Variants in MYO10 observed in about 807,000 individuals in gnomAD.
MYO10 encodes myosin X, also known as unconventional myosin-X.
MYO10 carries 133 observed loss-of-function variants against 257.3 expected under a neutral mutation model. That is an observed-to-expected ratio of 0.52 (90% CI 0.45 to 0.60). The LOEUF (loss-of-function observed/expected upper bound fraction) is 0.60. MYO10 is among the 20% of genes least tolerant of loss of function. The pLI, the probability that MYO10 is intolerant of heterozygous loss-of-function variation, is 0.00. For synonymous variants in MYO10, 1,104 were observed against 1,028.6 expected, an observed-to-expected ratio of 1.07 and a Z score of -1.40; for missense variants, 2,399 against 2,635.7, an observed-to-expected ratio of 0.91 and a Z score of 1.97.
rs114866947 is a variant in MYO10 at position 16,740,125 on chromosome 5, C to T, written c.1929+14703G>A. Among the ~76,000 whole-genome samples, 998 of 152,190 alleles carry T rather than the reference C, an allele frequency of 6.6e-3. 12 individuals are homozygous for T. Among genetic ancestry groups the T allele is most frequent in the African/African-American group, 0.023 (956 of 41,516 alleles). On this transcript the variant is annotated intron_variant, in intron 19 of 40. Coordinates refer to ENST00000513610, the MANE Select transcript of MYO10 (RefSeq NM_012334.3). ...AGTTTCAGACCCTGATCTTGAGAACCGCAGTCCACCCCTAACCTCTGGTCT... is the reference window on the plus strand; with the variant it reads ...AGTTTCAGACCCTGATCTTGAGAACTGCAGTCCACCCCTAACCTCTGGTCT...
chr5:16,891,362 A>C, intron 1 of MYO10, among the ~76,000 whole-genome samples: 1 of 77,684 alleles, frequency 1.3e-5, no homozygotes, highest in East Asian at 2.9e-4. Context: ...GAAGGAAGGA[A>C]GGAAGGAAGG....
At chr5:16,678,702 C>T (rs1736847986) in intron 33 of MYO10, among the ~76,000 whole-genome samples, 1 of 152,176 alleles carries the variant, frequency 6.6e-6, no homozygotes, top group Admixed American at 6.5e-5. Flanking sequence ...AATTATCCAC[C>T]ACTGATGGAT....
intron 19 of MYO10, among the ~76,000 whole-genome samples, chr5:16,747,239 C>T (rs1180398503): frequency 1.3e-5 from 2 of 152,168 alleles, no homozygotes; most frequent in Non-Finnish European, 2.9e-5. Flanking sequence ...AAAGACACCA[C>T]CCCAATACTG....
At chr5:16,780,070 T>G (rs1170640290) in intron 8 of MYO10, among the ~76,000 whole-genome samples, 1 of 151,940 alleles carries the variant, frequency 6.6e-6, no homozygotes, top group Non-Finnish European at 1.5e-5. Context: ...CCTGGCTAAT[T>G]TTTGTGTTTT....
intron 2 of MYO10, among the ~76,000 whole-genome samples, chr5:16,836,996 G>C (rs1483461449): frequency 6.6e-6 from 1 of 152,200 alleles, no homozygotes; most frequent in East Asian, 1.9e-4. Flanking sequence ...ATACCAGGGA[G>C]TATTATTTGG....
chr5:16,761,619 A>G (rs1740716261), intron 16 of MYO10, 73 bp from the exon 17 acceptor site: 1 of 1,057,562 alleles, frequency 9.5e-7, no homozygotes, highest in Non-Finnish European at 1.4e-6. Flanking sequence ...CTTCCCTGAA[A>G]GAGCCACAAA....
intron 19 of MYO10, among the ~76,000 whole-genome samples, chr5:16,729,159 A>C (rs980445860): frequency 7.2e-5 from 11 of 152,176 alleles, no homozygotes; most frequent in African/African-American, 2.7e-4. Context: ...TAAGATATTT[A>C]TTTGTATTGG....
intron 32 of MYO10, among the ~76,000 whole-genome samples, chr5:16,680,999 GAGA>G (rs1366184961): frequency 1.3e-5 from 2 of 152,098 alleles, no homozygotes; most frequent in Admixed American, 6.5e-5. Context: ...TCTCAAAAAT[GAGA>G]AGAATGAAAA....
At chr5:16,823,467 G>GGGGGGGGGGGGTTTTT (rs1561003861) in intron 2 of MYO10, among the ~76,000 whole-genome samples, 2 of 3,976 alleles carry the variant, frequency 5.0e-4, no homozygotes, top group African/African-American at 2.0e-3. Context: ...GGGGAGTGGG[G>GGGGGGGGGGGGTTTTT]ATTTTTTTTT....
chr5:16,837,859 G>C (rs1282015172), intron 2 of MYO10, among the ~76,000 whole-genome samples: 1 of 152,132 alleles, frequency 6.6e-6, no homozygotes, highest in Admixed American at 6.6e-5. Context: ...TTTTACAACA[G>C]CAGGTGCTCA....
intron 29 of MYO10, among the ~76,000 whole-genome samples, chr5:16,685,223 G>GTTGT (rs1320250587): frequency 3.3e-5 from 5 of 152,028 alleles, no homozygotes; most frequent in Non-Finnish European, 5.9e-5. Flanking sequence ...ATTCGTTTTT[G>GTTGT]TTGTTTGTTT....
chr5:16,897,151 A>G (rs1745241649), intron 1 of MYO10, among the ~76,000 whole-genome samples: 1 of 152,190 alleles, frequency 6.6e-6, no homozygotes, highest in African/African-American at 2.4e-5. Flanking sequence ...ATTAATGCTC[A>G]CTGCAATTCA....
chr5:16,912,802 G>GCACGCACACACACACACA (rs1554008422), intron 1 of MYO10, among the ~76,000 whole-genome samples: 2 of 111,594 alleles, frequency 1.8e-5, no homozygotes, highest in African/African-American at 7.1e-5. Flanking sequence ...CTACCACCCT[G>GCACGCACACACACACACA]CACACACACA....
chr5:16,742,356 G>A (rs1412921498), intron 19 of MYO10: 5 of 624,868 alleles, frequency 8.0e-6, no homozygotes, highest in Non-Finnish European at 1.0e-5. Context: ...TTTTGTTTAG[G>A]GAGAAGAATG....
chr5:16,697,412 G>A (rs2126538426), intron 26 of MYO10, among the ~76,000 whole-genome samples: 1 of 152,218 alleles, frequency 6.6e-6, no homozygotes, highest in Non-Finnish European at 1.5e-5. Context: ...GAATAAAAGG[G>A]TTTTCATGGC....
At chr5:16,899,061 G>A (rs1298263126) in intron 1 of MYO10, among the ~76,000 whole-genome samples, 1 of 150,352 alleles carries the variant, frequency 6.7e-6, no homozygotes, top group African/African-American at 2.4e-5. Flanking sequence ...CTTGCGCCCG[G>A]GAGGCAGAGG....
chr5:16,935,039 G>C (rs1392161711), intron 1 of MYO10, among the ~76,000 whole-genome samples: 1 of 152,198 alleles, frequency 6.6e-6, no homozygotes, highest in African/African-American at 2.4e-5. Flanking sequence ...ACCACAGTAA[G>C]TCTCGATCCC....
intron 19 of MYO10, among the ~76,000 whole-genome samples, chr5:16,752,102 A>G (rs188239352): frequency 1.3e-4 from 20 of 152,274 alleles, no homozygotes; most frequent in African/African-American, 1.2e-4. Flanking sequence ...AAACAGAAAC[A>G]CTGGGGACTG....
At chr5:16,823,023 C>T (rs1012937399) in intron 2 of MYO10, among the ~76,000 whole-genome samples, 5 of 152,024 alleles carry the variant, frequency 3.3e-5, no homozygotes, top group African/African-American at 1.2e-4. Context: ...AAGAGACCCA[C>T]AATCTTACTG....
Sources: allele counts gnomAD v4.1 joint callset (sites outside exome capture counted in the v4.1 genomes callset), GRCh38; gene constraint gnomAD v4.1.1; transcripts MANE v1.5; gene names NCBI Gene and HGNC (gene_info 2026-07-23, HGNC 2026-07-21).